The following TTC1 variants were observed in gnomAD, a reference collection of about 807,000 sequenced individuals.
TTC1 encodes the protein tetratricopeptide repeat protein 1.
TTC1 carries 31 observed loss-of-function variants against 37.6 expected under a neutral mutation model. The observed-to-expected ratio is 0.82, with a 90% CI of 0.62 to 1.11. The LOEUF (loss-of-function observed/expected upper bound fraction) is 1.11. Ranked by LOEUF, TTC1 falls within the 50% of genes most tolerant of loss-of-function variation. The probability of loss-of-function intolerance (pLI) is 0.00; values close to 1 mark genes in which losing one functional copy is unlikely to be tolerated. For missense variants in TTC1, 351 were observed against 339.0 expected (o/e 1.04, Z -0.28); for synonymous variants, 127 against 122.4 (o/e 1.04, Z -0.25).
At chr5:160,054,776 C>T (rs961481184) in intron 7 of TTC1, among the ~76,000 whole-genome samples, 3 of 152,056 alleles carry the variant, frequency 2.0e-5, no homozygotes, top group East Asian at 1.9e-4. Flanking sequence ...ATGGCAGACA[C>T]GGCCTTTATG....
At chr5:160,028,684 C>T (rs1040691551) in intron 2 of TTC1, among the ~76,000 whole-genome samples, 3 of 151,924 alleles carry the variant, frequency 2.0e-5, no homozygotes, top group Admixed American at 6.6e-5. Flanking sequence ...CCATGTTGCC[C>T]AGAATGGTCT....
chr5:160,047,335 C>G (rs1417870415), intron 5 of TTC1, among the ~76,000 whole-genome samples: 2 of 152,162 alleles, frequency 1.3e-5, no homozygotes, highest in South Asian at 4.1e-4. Flanking sequence ...TAAGTTAAAC[C>G]TTTGGAGTCA....
chr5:160,019,408 C>T (rs1458691107), intron 2 of TTC1, among the ~76,000 whole-genome samples: 1 of 152,076 alleles, frequency 6.6e-6, no homozygotes, highest in Non-Finnish European at 1.5e-5. Flanking sequence ...TTCTGCCACC[C>T]TATTGCACCA....
At chr5:160,045,346 A>T in intron 5 of TTC1, among the ~76,000 whole-genome samples, 1 of 152,048 alleles carries the variant, frequency 6.6e-6, no homozygotes, top group Middle Eastern at 3.2e-3. Flanking sequence ...ACTAATATTT[A>T]TGTGGTTAGA....
chr5:160,062,782 A>G (rs1753460516), intron 7 of TTC1, among the ~76,000 whole-genome samples: 3 of 151,160 alleles, frequency 2.0e-5, no homozygotes, highest in Non-Finnish European at 1.5e-5. Context: ...CCCAGTACCA[A>G]CATTTTCTTG....
Position 160,036,802 on chromosome 5 carries a change from A to T in TTC1, c.503A>T (p.Gln168Leu), listed in dbSNP as rs1757006452. 6.2e-7 allele frequency: 1 copy of T among 1,606,446 alleles called. No individual in the cohort carries two copies. The highest frequency in any genetic ancestry group is 8.5e-7 in the Non-Finnish European group (1 of 1,173,666). ...AATAGAGCTGCAGCAAGGATGAAAC[A>T]GGTATGTATCTGTGACCTTTTCTTT... ...FSNRAAARMK[Q>L]DKKEMAINDC... The change falls in exon 4 of 8, where the codon CAG becomes CTG. Residue 168 changes from glutamine (Q) to leucine (L), a missense_variant and splice_region_variant. Coordinates refer to ENST00000231238, the MANE Select transcript of TTC1 (RefSeq NM_003314.3).
intron 7 of TTC1, 82 bp downstream of exon 7, chr5:160,051,265 A>G (rs777752688): frequency 4.3e-6 from 5 of 1,166,420 alleles, no homozygotes; most frequent in Non-Finnish European, 4.9e-6. Flanking sequence ...AGGAGAACAC[A>G]TGAGTTAGAA....
rs190530829 is a variant in TTC1, at chr5:160,016,338, A to C, written c.330+5480A>C. On this transcript the variant is annotated intron_variant, in intron 2 of 7. Coordinates refer to ENST00000231238, the MANE Select transcript of TTC1 (RefSeq NM_003314.3). ...GGTTGCAGAGAGCCGAGATCACGCCACTGCACTCCAGCCTGGGTGACAGAA... is the reference window on the plus strand; with the variant it reads ...GGTTGCAGAGAGCCGAGATCACGCCCCTGCACTCCAGCCTGGGTGACAGAA... Among the ~76,000 whole-genome samples, 305 of 152,324 alleles carry C rather than the reference A, an allele frequency of 2.0e-3. 3 individuals carry two copies. The highest frequency in any genetic ancestry group is 2.6e-3 in the Admixed American group (40 of 15,296).
chr5:160,061,060 T>A (rs1753373001), intron 7 of TTC1, among the ~76,000 whole-genome samples: 1 of 152,250 alleles, frequency 6.6e-6, no homozygotes, highest in South Asian at 2.1e-4. Flanking sequence ...AGTGGCCTCC[T>A]GTGGCACGGG....
chr5:160,052,961 G>T (rs756075269), intron 7 of TTC1, among the ~76,000 whole-genome samples: 1 of 152,164 alleles, frequency 6.6e-6, no homozygotes, highest in Non-Finnish European at 1.5e-5. Flanking sequence ...AGTTTGAATG[G>T]CTAGATTCCT....
At chr5:160,048,234 C>G (rs1757309392) in intron 5 of TTC1, among the ~76,000 whole-genome samples, 1 of 147,010 alleles carries the variant, frequency 6.8e-6, no homozygotes, top group South Asian at 2.2e-4. Context: ...TGCACGCAAC[C>G]TCCGCCTCCT....
At chr5:160,016,325 C>A (rs1422661781) in intron 2 of TTC1, among the ~76,000 whole-genome samples, 1 of 152,122 alleles carries the variant, frequency 6.6e-6, no homozygotes, top group African/African-American at 2.4e-5. Context: ...TTGCAGAGAG[C>A]CGAGATCACG....
At chr5:160,042,368 C>CA (rs1302846364) in intron 4 of TTC1, among the ~76,000 whole-genome samples, 3 of 152,164 alleles carry the variant, frequency 2.0e-5, no homozygotes, top group African/African-American at 7.2e-5. Flanking sequence ...TTCTGTAATA[C>CA]AAAAATTCCT....
chr5:160,031,854 A>AT (rs1756915640), intron 2 of TTC1, among the ~76,000 whole-genome samples: 1 of 152,068 alleles, frequency 6.6e-6, no homozygotes, highest in South Asian at 2.1e-4. Context: ...ACAGAAAGAA[A>AT]TTACCTAGGG....
intron 2 of TTC1, among the ~76,000 whole-genome samples, chr5:160,030,871 A>G (rs1756897053): frequency 6.6e-6 from 1 of 152,180 alleles, no homozygotes; most frequent in Non-Finnish European, 1.5e-5. Flanking sequence ...ACCACATTAG[A>G]AGCTTCTGTT....
At position 160,011,016 on chromosome 5, in the gene TTC1, C is replaced by T. The variant is rs547166939; in HGVS notation, c.330+158C>T. On this transcript the variant is annotated intron_variant, in intron 2 of 7. Coordinates refer to ENST00000231238, the MANE Select transcript of TTC1 (RefSeq NM_003314.3). ...TGTTGGATCTGAGATAAATCGGTGG[C>T]GTGACAGGGAAGCACTTGAGTGTGT... Among the ~76,000 whole-genome samples, 60 of 152,220 alleles carry T rather than the reference C, an allele frequency of 3.9e-4. No individual in the cohort carries two copies. The highest frequency in any genetic ancestry group is 1.4e-3 in the African/African-American group (57 of 41,508).
At chr5:160,039,308 CTTATATA>C (rs1432081302) in intron 4 of TTC1, 1 of 148,438 alleles carries the variant, frequency 6.7e-6, no homozygotes, top group African/African-American at 2.5e-5. Context: ...AACTACTGTC[CTTATATA>C]TTATATACAT....
At position 160,010,597 on chromosome 5, in the gene TTC1, T is replaced by A; in HGVS notation, c.69T>A (p.Thr23=). 14 of 1,614,098 alleles carry A rather than the reference T, an allele frequency of 8.7e-6. No homozygotes were observed. Among genetic ancestry groups the A allele is most frequent in the Non-Finnish European group, 1.2e-5 (14 of 1,180,020 alleles). ...TAAATGGTTTGAAGGTTACAGATAC[T>A]CAGGAAGCCGAGTGTGCTGGCCCTC... ...DLLNGLKVTD[T]QEAECAGPPV... is the part of the protein sequence containing the mutation. Residue 23 remains threonine, a synonymous_variant, in exon 2 of 8, where the codon ACT becomes ACA. Transcript: ENST00000231238.
At chr5:160,037,522 C>T (rs1757016245) in intron 4 of TTC1, among the ~76,000 whole-genome samples, 1 of 152,146 alleles carries the variant, frequency 6.6e-6, no homozygotes, top group African/African-American at 2.4e-5. Context: ...TCGAGACCAG[C>T]CTGGCCAACA....
Sources: gnomAD v4.1 joint callset for allele counts (sites outside exome capture counted in the v4.1 genomes callset) on GRCh38, gnomAD v4.1.1 for gene constraint, MANE v1.5 for transcripts, NCBI Gene and HGNC (gene_info 2026-07-23, HGNC 2026-07-21) for gene names.